Variants in FSIP1 observed in about 807,000 individuals in gnomAD.
The protein encoded by FSIP1 is fibrous sheath-interacting protein 1.
Under a neutral mutation model 60.9 loss-of-function variants are expected in FSIP1, and 65 were observed. That is an observed-to-expected ratio of 1.07 (90% CI 0.87 to 1.31). The LOEUF (loss-of-function observed/expected upper bound fraction) is 1.31, where lower values mean the gene tolerates loss of function less well. Ranked by LOEUF, FSIP1 falls within the 40% of genes most tolerant of loss-of-function variation. The pLI, the probability that FSIP1 is intolerant of heterozygous loss-of-function variation, is 0.00. For synonymous variants in FSIP1, 209 were observed against 221.2 expected (o/e 0.94, Z 0.49); for missense variants, 675 against 665.5 (o/e 1.01, Z -0.16).
At chr15:39,726,796 CA>C in intron 8 of FSIP1, 49 bp from the exon 9 acceptor site, 3 of 1,529,236 alleles carry the variant, frequency 2.0e-6, no homozygotes, top group Non-Finnish European at 2.7e-6. Context: ...ATATTTTTGC[CA>C]AAATATACCT....
At chr15:39,764,525 T>C (rs1234926304) in intron 4 of FSIP1, among the ~76,000 whole-genome samples, 1 of 152,178 alleles carries the variant, frequency 6.6e-6, no homozygotes, top group Non-Finnish European at 1.5e-5. Flanking sequence ...GAGGACTTTA[T>C]CAAAAATAAC....
At chr15:39,708,055 T>G (rs1267211670) in intron 10 of FSIP1, among the ~76,000 whole-genome samples, 3 of 152,180 alleles carry the variant, frequency 2.0e-5, no homozygotes, top group Non-Finnish European at 4.4e-5. Flanking sequence ...ATGGTGCCTA[T>G]TCTATGAAAG....
downstream of FSIP1, chr15:39,597,687 T>A (rs1348698718): frequency 1.3e-5 from 2 of 152,192 alleles, no homozygotes; most frequent in African/African-American, 4.8e-5. Flanking sequence ...TACATTAGCC[T>A]GCCATATCAA....
intron 2 of FSIP1, among the ~76,000 whole-genome samples, chr15:39,774,375 C>T (rs866927350): frequency 1.2e-4 from 18 of 151,556 alleles, no homozygotes; most frequent in Admixed American, 2.6e-4. Flanking sequence ...CCCGGCTATT[C>T]GGGAGGCTGA....
intron 10 of FSIP1, among the ~76,000 whole-genome samples, chr15:39,664,413 TTCA>T (rs1893416815): frequency 6.6e-6 from 1 of 152,156 alleles, no homozygotes; most frequent in Non-Finnish European, 1.5e-5. Context: ...AATCCATCCA[TTCA>T]TCATATTTAT....
chr15:39,646,866 C>T (rs1892637838), intron 10 of FSIP1, among the ~76,000 whole-genome samples: 1 of 152,096 alleles, frequency 6.6e-6, no homozygotes, highest in Non-Finnish European at 1.5e-5. Context: ...GTGATATACA[C>T]ACATACAGAG....
intron 10 of FSIP1, among the ~76,000 whole-genome samples, chr15:39,694,225 A>G (rs1166694585): frequency 1.3e-5 from 2 of 151,866 alleles, no homozygotes; most frequent in South Asian, 2.1e-4. Context: ...CATCATAGCC[A>G]TGGAGACCTT....
At chr15:39,771,889 T>G (rs1897900412) in intron 2 of FSIP1, among the ~76,000 whole-genome samples, 1 of 152,182 alleles carries the variant, frequency 6.6e-6, no homozygotes, top group Non-Finnish European at 1.5e-5. Flanking sequence ...ATGCTAACAT[T>G]TCTGGGAGAA....
chr15:39,742,211 T>C (rs8031241), intron 5 of FSIP1, among the ~76,000 whole-genome samples: 85,030 of 151,992 alleles, frequency 0.56, 24,099 homozygotes, highest in African/African-American at 0.62. Flanking sequence ...AGATAATGCA[T>C]CCAAATCTTG....
chr15:39,613,724 G>A (rs1261254373), intron 11 of FSIP1, among the ~76,000 whole-genome samples: 6 of 152,058 alleles, frequency 3.9e-5, no homozygotes, highest in Admixed American at 6.5e-5. Context: ...CTAGCAAACC[G>A]AATTCAAAAG....
At chr15:39,779,165 G>C (rs1313551478) in intron 1 of FSIP1, among the ~76,000 whole-genome samples, 1 of 152,042 alleles carries the variant, frequency 6.6e-6, no homozygotes, top group Non-Finnish European at 1.5e-5. Context: ...AGTAAGAAAA[G>C]AAAATTCTAA....
chr15:39,740,288 G>GCTC (rs148199882), intron 6 of FSIP1, among the ~76,000 whole-genome samples: 16,494 of 152,026 alleles, frequency 0.11, 1,133 homozygotes, highest in African/African-American at 0.18. Flanking sequence ...CCATGTCCTA[G>GCTC]CTCCCATCTG....
At chr15:39,702,200 A>G (rs1595633073) in intron 10 of FSIP1, among the ~76,000 whole-genome samples, 1 of 151,644 alleles carries the variant, frequency 6.6e-6, no homozygotes, top group African/African-American at 2.4e-5. Flanking sequence ...TGCTGACTCT[A>G]TGTGGGAGCT....
intron 5 of FSIP1, among the ~76,000 whole-genome samples, chr15:39,746,143 C>A (rs113699959): frequency 1.1e-4 from 17 of 152,158 alleles, no homozygotes; most frequent in African/African-American, 4.1e-4. Context: ...CAATTTCATT[C>A]AACGACCTAA....
In FSIP1 at chr15:39,766,081, A is replaced by T. The variant is rs187143193; in HGVS notation, c.311-335T>A. 2.2e-4 allele frequency among the ~76,000 whole-genome samples: 33 copies of T among 152,316 alleles called. 2 individuals carry two copies. In the East Asian group the frequency reaches 6.4e-3, roughly 29 times the overall value. On this transcript the variant is annotated intron_variant, in intron 3 of 11. Transcript: ENST00000350221. ...TCTCCTTCATTCTGTTATACTTTCT[A>T]TGTTCATGACTAAAAAATAGGAAAT...
In FSIP1 at chr15:39,669,438, C is replaced by T. The variant is rs147640083; in HGVS notation, c.1188+44006G>A. On this transcript the variant is annotated intron_variant, in intron 10 of 11. Coordinates refer to ENST00000350221, the MANE Select transcript of FSIP1 (RefSeq NM_152597.5). Reference sequence around the variant, plus strand: ...AAAGAACCCAAACCATGACACTGTGCTTTCTTACTTTGGAGATATTAACTA... The same window carrying T: ...AAAGAACCCAAACCATGACACTGTGTTTTCTTACTTTGGAGATATTAACTA... Among the ~76,000 whole-genome samples the T allele has an allele frequency of 3.8e-3, 574 of 152,296 alleles. 4 individuals are homozygous for T. Among genetic ancestry groups the T allele is most frequent in the African/African-American group, 0.013 (546 of 41,560 alleles).
chr15:39,703,833 GATCT>G (rs3065123), intron 10 of FSIP1, among the ~76,000 whole-genome samples: 93,804 of 151,518 alleles, frequency 0.62, 30,492 homozygotes, highest in South Asian at 0.74. Context: ...AAATTATATT[GATCT>G]ATGTAGTCAA....
chr15:39,686,154 G>C (rs1894365855), intron 10 of FSIP1, among the ~76,000 whole-genome samples: 1 of 152,112 alleles, frequency 6.6e-6, no homozygotes, highest in South Asian at 2.1e-4. Context: ...GATTCTCTAG[G>C]AAACCCACCA....
At chr15:39,756,456 C>T (rs1897303442) in intron 5 of FSIP1, among the ~76,000 whole-genome samples, 2 of 152,036 alleles carry the variant, frequency 1.3e-5, no homozygotes, top group Non-Finnish European at 2.9e-5. Context: ...GTCTCAAACT[C>T]GTGGACTCAA....
Sources: allele counts gnomAD v4.1 joint callset (sites outside exome capture counted in the v4.1 genomes callset), GRCh38; gene constraint gnomAD v4.1.1; transcripts MANE v1.5; gene names NCBI Gene and HGNC (gene_info 2026-07-23, HGNC 2026-07-21).